The following ZNF536 variants were observed in gnomAD, a reference collection of about 807,000 sequenced individuals.
ZNF536 encodes the protein zinc finger protein 536.
A neutral mutation model predicts 84.5 loss-of-function variants in ZNF536; 13 were observed. The observed-to-expected ratio is 0.15, with a 90% confidence interval of 0.10 to 0.24. The LOEUF (loss-of-function observed/expected upper bound fraction) is 0.24, where lower values mean the gene tolerates loss of function less well. Ranked by LOEUF, ZNF536 falls within the 10% of genes least tolerant of loss-of-function variation. ZNF536 has a pLI of 1.00. For missense variants in ZNF536, 1,536 were observed against 1,747.5 expected (o/e 0.88, Z 2.16); for synonymous variants, 811 against 742.5 (o/e 1.09, Z -1.50).
chr19:30,284,544 G>A (rs955510469), intron 2 of ZNF536, among the ~76,000 whole-genome samples: 2 of 152,188 alleles, frequency 1.3e-5, no homozygotes, highest in African/African-American at 2.4e-5. Flanking sequence ...CAGTGGCTTG[G>A]CCCAGTCTTG....
chr19:30,400,188 T>C (rs2147489639), intron 1 of ZNF536, among the ~76,000 whole-genome samples: 1 of 152,288 alleles, frequency 6.6e-6, no homozygotes, highest in African/African-American at 2.4e-5. Flanking sequence ...CTGTGAACAA[T>C]GGCATACAGG....
intron 2 of ZNF536, among the ~76,000 whole-genome samples, chr19:30,292,050 A>G (rs1455199749): frequency 1.3e-5 from 2 of 152,190 alleles, no homozygotes; most frequent in African/African-American, 4.8e-5. Flanking sequence ...GTGGCCCGCA[A>G]AGCCTAAAAT....
At chr19:30,594,762 C>T (rs1036535287) in intron 1 of ZNF536, among the ~76,000 whole-genome samples, 4 of 152,152 alleles carry the variant, frequency 2.6e-5, no homozygotes, top group Non-Finnish European at 2.9e-5. Flanking sequence ...TGCGAGAAGC[C>T]GCTGCTTGGA....
intron 2 of ZNF536, among the ~76,000 whole-genome samples, chr19:30,322,485 A>G (rs1010514348): frequency 2.0e-5 from 3 of 152,116 alleles, no homozygotes; most frequent in Middle Eastern, 3.4e-3. Flanking sequence ...CTGTCGCCCT[A>G]AGGACTCTGC....
intron 1 of ZNF536, among the ~76,000 whole-genome samples, chr19:30,374,860 C>T (rs1351477437): frequency 1.3e-5 from 2 of 151,290 alleles, no homozygotes; most frequent in Admixed American, 6.6e-5. Context: ...CGGAGACTGG[C>T]CCCCCGCCCG....
intron 1 of ZNF536, among the ~76,000 whole-genome samples, chr19:30,421,253 A>G (rs1465184327): frequency 6.6e-6 from 1 of 152,194 alleles, no homozygotes; most frequent in Non-Finnish European, 1.5e-5. Flanking sequence ...GTTCCCATTT[A>G]TTCAGAACTT....
At chr19:30,623,605 A>G (rs2048568076) in intron 1 of ZNF536, among the ~76,000 whole-genome samples, 1 of 152,192 alleles carries the variant, frequency 6.6e-6, no homozygotes, top group Non-Finnish European at 1.5e-5. Context: ...TGACTTCTCC[A>G]TGCATAATTG....
At chr19:30,354,828 C>A (rs1404155019) in intron 3 of ZNF536, among the ~76,000 whole-genome samples, 1 of 152,180 alleles carries the variant, frequency 6.6e-6, no homozygotes, top group South Asian at 2.1e-4. Flanking sequence ...AGGCTCTAGA[C>A]CACAGGCTTC....
At position 30,557,506 on chromosome 19, in the gene ZNF536, CTGGCTG is replaced by C; in HGVS notation, c.*343_*348del. On this transcript the variant is annotated 3_prime_UTR_variant, in exon 5 of 5. Coordinates refer to ENST00000355537, the MANE Select transcript of ZNF536 (RefSeq NM_014717.3). ...ACAGATCCCTTCACCTGTGGACAAC[CTGGCTG>C]GGGGTGGGGGGCTGTTCCACCAGCT... 3 of 220,754 alleles carry C rather than the reference CTGGCTG, an allele frequency of 1.4e-5. No homozygotes were observed. The highest frequency in any genetic ancestry group is 2.6e-4 in the South Asian group (2 of 7,704). 13.7% of individuals were successfully genotyped at this position (220,754 alleles called of 1,614,324 possible).
chr19:30,254,032 G>A lies in ZNF536; in HGVS notation c.-190+25359G>A, dbSNP rs536777378. On this transcript the variant is annotated intron_variant, in intron 1 of 5. Coordinates refer to the ZNF536 transcript ENST00000585628. ...GATTTAACCACAATCAAAAGTGGAG[G>A]GGGGTGTGGGCCGTGTCACTATTGC... is the stretch of plus-strand genomic sequence containing the variant. Among the ~76,000 whole-genome samples the A allele has an allele frequency of 4.6e-5, 7 of 152,306 alleles. No individual in the cohort carries two copies. In the East Asian group the frequency reaches 1.4e-3, roughly 29 times the overall value.
intron 1 of ZNF536, among the ~76,000 whole-genome samples, chr19:30,426,746 T>C (rs1023697472): frequency 6.6e-6 from 1 of 152,176 alleles, no homozygotes; most frequent in Non-Finnish European, 1.5e-5. Flanking sequence ...ATGTAATCAA[T>C]GAGTCTGATT....
Position 30,495,745 on chromosome 19 carries a change from A to G in ZNF536, c.2171-39102A>G, listed in dbSNP as rs77205931. Reference sequence around the variant, plus strand: ...TCCTTTTAGCCCCAAGTGTGCAGTCAGGCTGGGATTCAGTGTCAGGCAGTG... The same window carrying G: ...TCCTTTTAGCCCCAAGTGTGCAGTCGGGCTGGGATTCAGTGTCAGGCAGTG... On this transcript the variant is annotated intron_variant, in intron 2 of 4. Transcript: ENST00000355537. Among the ~76,000 whole-genome samples the G allele has an allele frequency of 1.6e-4, 25 of 152,294 alleles. No homozygotes were observed. In the East Asian group the frequency reaches 4.4e-3, roughly 27 times the overall value.
At chr19:30,423,504 T>C (rs10412132) in intron 1 of ZNF536, among the ~76,000 whole-genome samples, 86,060 of 151,996 alleles carry the variant, frequency 0.57, 25,224 homozygotes, top group African/African-American at 0.61. Flanking sequence ...CCTTAATGAA[T>C]GAAGAAGTGA....
intron 1 of ZNF536, among the ~76,000 whole-genome samples, chr19:30,283,268 A>G (rs2045514610): frequency 6.6e-6 from 1 of 152,146 alleles, no homozygotes; most frequent in Non-Finnish European, 1.5e-5. Flanking sequence ...TGAGAATCCA[A>G]ATTGCACTGG....
intron 1 of ZNF536, among the ~76,000 whole-genome samples, chr19:30,282,654 A>G (rs1035318588): frequency 6.6e-6 from 1 of 152,136 alleles, no homozygotes; most frequent in Non-Finnish European, 1.5e-5. Flanking sequence ...AAAGCAAATA[A>G]GTGTTTTCAG....
intron 2 of ZNF536, among the ~76,000 whole-genome samples, chr19:30,313,347 G>C (rs567698315): frequency 6.6e-6 from 1 of 152,322 alleles, no homozygotes; most frequent in East Asian, 1.9e-4. Context: ...TAAGTGGTAA[G>C]AACCCCTAGA....
At chr19:30,370,624 A>G (rs1435247222), upstream of ZNF536, among the ~76,000 whole-genome samples, 1 of 152,222 alleles carries the variant, frequency 6.6e-6, no homozygotes, top group Admixed American at 6.5e-5. Flanking sequence ...ATGACAAAGA[A>G]TGTTATAAAA....
intron 1 of ZNF536, among the ~76,000 whole-genome samples, chr19:30,655,900 G>T (rs572314184): frequency 1.3e-5 from 2 of 152,060 alleles, no homozygotes; most frequent in African/African-American, 4.8e-5. Flanking sequence ...TTAGCTGTGC[G>T]TAATGGTGCA....
chr19:30,421,819 T>A (rs1355266022), intron 1 of ZNF536, among the ~76,000 whole-genome samples: 1 of 152,232 alleles, frequency 6.6e-6, no homozygotes, highest in Non-Finnish European at 1.5e-5. Context: ...AGCCTCCCTC[T>A]GTACACGAGA....
Sources: allele counts gnomAD v4.1 joint callset (sites outside exome capture counted in the v4.1 genomes callset), GRCh38; gene constraint gnomAD v4.1.1; transcripts MANE v1.5; gene names NCBI Gene and HGNC (gene_info 2026-07-23, HGNC 2026-07-21).